The following DNAH11 variants were observed in gnomAD, a reference collection of about 807,000 sequenced individuals.
DNAH11 encodes the protein dynein axonemal heavy chain 11.
A neutral mutation model predicts 526.0 loss-of-function variants in DNAH11; 442 were observed. The observed-to-expected ratio is 0.84, with a 90% CI of 0.78 to 0.91. The LOEUF is 0.91. Among genes scored for constraint, DNAH11 ranks in the 40% least tolerant of loss-of-function variants. DNAH11 has a pLI of 0.00. For synonymous variants in DNAH11, 2,461 were observed against 1,935.9 expected, an observed-to-expected ratio of 1.27 and a Z score of -7.12; for missense variants, 6,989 against 5,448.7, an observed-to-expected ratio of 1.28 and a Z score of -8.90.
At chr7:21,672,887 G>T (rs894551345) in intron 30 of DNAH11, among the ~76,000 whole-genome samples, 2 of 152,152 alleles carry the variant, frequency 1.3e-5, no homozygotes, top group African/African-American at 4.8e-5. Flanking sequence ...CCTTAAGTCT[G>T]TTACTTTCTA....
chr7:21,803,495 A>G (rs1789091759), intron 62 of DNAH11, among the ~76,000 whole-genome samples: 1 of 152,100 alleles, frequency 6.6e-6, no homozygotes, highest in East Asian at 1.9e-4. Flanking sequence ...TTCTCCTTTT[A>G]TGAGAAAAGC....
intron 8 of DNAH11, among the ~76,000 whole-genome samples, chr7:21,578,769 G>A (rs919017405): frequency 1.3e-5 from 2 of 149,078 alleles, no homozygotes; most frequent in Non-Finnish European, 3.0e-5. Context: ...CTTGGCTTCT[G>A]TGTACCCACA....
At chr7:21,554,223 G>A (rs1783135633) in intron 2 of DNAH11, among the ~76,000 whole-genome samples, 1 of 149,452 alleles carries the variant, frequency 6.7e-6, no homozygotes, top group South Asian at 2.1e-4. Context: ...GCGCAAGCTG[G>A]AGTGCAGTGG....
chr7:21,849,483 C>T (rs1016814876), intron 66 of DNAH11, among the ~76,000 whole-genome samples: 1 of 152,168 alleles, frequency 6.6e-6, no homozygotes, highest in East Asian at 1.9e-4. Flanking sequence ...TTCTTTTTAA[C>T]ATTTCTGGTA....
At chr7:21,552,522 C>T (rs1214248363) in intron 2 of DNAH11, among the ~76,000 whole-genome samples, 6 of 152,122 alleles carry the variant, frequency 3.9e-5, no homozygotes. Flanking sequence ...AATCTCCATT[C>T]GTCTATGAAA....
Position 21,543,139 on chromosome 7 carries a change from CCGCGGAGGA to C in DNAH11, c.-106_-98del, listed in dbSNP as rs1189862794. On this transcript the variant is annotated 5_prime_UTR_variant, in exon 1 of 82. Coordinates refer to ENST00000409508, the MANE Select transcript of DNAH11 (RefSeq NM_001277115.2). Reference sequence around the variant, plus strand: ...AGACTAGGGTCTGCGCTCGCGGCGACCGCGGAGGAGGGTGGGCGCCTGCGGAGGTGTCCT... The same window carrying C: ...AGACTAGGGTCTGCGCTCGCGGCGACGGGTGGGCGCCTGCGGAGGTGTCCT... 34 of 1,433,686 alleles carry C rather than the reference CCGCGGAGGA, an allele frequency of 2.4e-5. No homozygotes were observed. Among genetic ancestry groups the C allele is most frequent in the Non-Finnish European group, 2.6e-5 (29 of 1,101,106 alleles). The allele number at this position is 1,433,686 out of a possible 1,614,324, so 88.8% of individuals were successfully genotyped here. A position where few individuals can be genotyped will look rare whatever the true frequency, so the allele number is the denominator to read the frequency against.
At chr7:21,572,838 C>G (rs1050255077) in intron 8 of DNAH11, among the ~76,000 whole-genome samples, 1 of 152,124 alleles carries the variant, frequency 6.6e-6, no homozygotes, top group African/African-American at 2.4e-5. Flanking sequence ...TAAACCAGGG[C>G]ACTACACTTT....
intron 54 of DNAH11, among the ~76,000 whole-genome samples, chr7:21,752,310 C>T (rs1786449214): frequency 6.6e-6 from 1 of 152,216 alleles, no homozygotes; most frequent in African/African-American, 2.4e-5. Flanking sequence ...GCTCTTCTTA[C>T]TTACAGGTGA....
chr7:21,649,259 T>C (rs1404526528), intron 28 of DNAH11, among the ~76,000 whole-genome samples: 1 of 152,212 alleles, frequency 6.6e-6, no homozygotes, highest in East Asian at 1.9e-4. Flanking sequence ...GAATATATCA[T>C]ACATTTTTAT....
intron 34 of DNAH11, 132 bp from the exon 35 acceptor site, chr7:21,690,633 A>G (rs1783576721): frequency 3.1e-6 from 2 of 644,598 alleles, no homozygotes; most frequent in South Asian, 4.4e-5. Context: ...GTATGGGCTT[A>G]TGAATTTTAA....
At chr7:21,559,887 T>A (rs1783387255) in intron 4 of DNAH11, 95 bp downstream of exon 4, 1 of 1,045,604 alleles carries the variant, frequency 9.6e-7, no homozygotes, top group Admixed American at 2.6e-5. Context: ...ACTGTCTTTG[T>A]ATAATTTACT....
intron 14 of DNAH11, among the ~76,000 whole-genome samples, chr7:21,596,266 C>T (rs1225223140): frequency 6.6e-6 from 1 of 152,184 alleles, no homozygotes; most frequent in Non-Finnish European, 1.5e-5. Context: ...TTTATTCTCT[C>T]ATAGTCTAGA....
intron 65 of DNAH11, among the ~76,000 whole-genome samples, chr7:21,832,440 G>C (rs1428578308): frequency 6.6e-6 from 1 of 152,138 alleles, no homozygotes; most frequent in African/African-American, 2.4e-5. Context: ...AGTTTGGCTG[G>C]CTTTCCATTT....
intron 3 of DNAH11, 76 bp downstream of exon 3, chr7:21,559,074 C>G (rs915654635): frequency 7.6e-7 from 1 of 1,309,598 alleles, no homozygotes; most frequent in Non-Finnish European, 1.0e-6. Flanking sequence ...CCTATAATCC[C>G]AGCAATTTGG....
At chr7:21,563,023 T>C (rs1783528256) in intron 5 of DNAH11, among the ~76,000 whole-genome samples, 1 of 152,178 alleles carries the variant, frequency 6.6e-6, no homozygotes, top group African/African-American at 2.4e-5. Context: ...AAATTTGTTC[T>C]CAGTTCCTCA....
intron 54 of DNAH11, among the ~76,000 whole-genome samples, chr7:21,760,465 A>C (rs1300380376): frequency 6.6e-6 from 1 of 152,162 alleles, no homozygotes; most frequent in Non-Finnish European, 1.5e-5. Context: ...ACATCAAAAG[A>C]CTAGACTCTT....
At chr7:21,601,701 A>T (rs770619692) in intron 18 of DNAH11, 83 bp downstream of exon 18, 10 of 1,060,380 alleles carry the variant, frequency 9.4e-6, no homozygotes, top group Non-Finnish European at 1.3e-5. Context: ...CTCTCTTATG[A>T]TGTCCTTATA....
At chr7:21,730,097 A>C (rs1244537881) in intron 45 of DNAH11, among the ~76,000 whole-genome samples, 1 of 152,194 alleles carries the variant, frequency 6.6e-6, no homozygotes. Flanking sequence ...AAATTGAGCT[A>C]CCATATGATC....
chr7:21,777,878 G>C (rs1787746735), intron 56 of DNAH11, among the ~76,000 whole-genome samples: 1 of 152,200 alleles, frequency 6.6e-6, no homozygotes, highest in Non-Finnish European at 1.5e-5. Flanking sequence ...AGATTACTTG[G>C]ATATAGTAAT....
Sources: allele counts gnomAD v4.1 joint callset (sites outside exome capture counted in the v4.1 genomes callset), GRCh38; gene constraint gnomAD v4.1.1; transcripts MANE v1.5; gene names NCBI Gene and HGNC (gene_info 2026-07-23, HGNC 2026-07-21).